TTPA: variants seen among roughly 807,000 people sequenced by gnomAD.
TTPA encodes the protein alpha-tocopherol transfer protein.
TTPA carries 23 observed loss-of-function variants against 25.9 expected under a neutral mutation model. That is an observed-to-expected ratio of 0.89 (90% CI 0.64 to 1.26). The LOEUF (loss-of-function observed/expected upper bound fraction) is 1.26. TTPA is among the 50% of genes most tolerant of loss of function. The probability of loss-of-function intolerance (pLI) is 0.00; values close to 1 mark genes in which losing one functional copy is unlikely to be tolerated. For missense variants in TTPA, 337 were observed against 353.1 expected (o/e 0.95, Z 0.37); for synonymous variants, 148 against 137.3 (o/e 1.08, Z -0.54).
Position 63,086,035 on chromosome 8 carries a change from G to A in TTPA, c.-14C>T, listed in dbSNP as rs1223813604. 1 of 1,404,338 alleles carries A rather than the reference G, an allele frequency of 7.1e-7. No individual in the cohort carries two copies. Among genetic ancestry groups the A allele is most frequent in the Non-Finnish European group, 9.3e-7 (1 of 1,079,216 alleles). The allele number at this position is 1,404,338 out of a possible 1,614,324, so 87.0% of individuals were successfully genotyped here. ...CGCCTCTGCCATGCCCGCCGCCGCT[G>A]CTGCGGCCGCAGCTACCCGGGCACC... On this transcript the variant is annotated 5_prime_UTR_variant, in exon 1 of 5. Coordinates refer to ENST00000260116, the MANE Select transcript of TTPA (RefSeq NM_000370.3).
At position 63,059,928 on chromosome 8, in the gene TTPA, G is replaced by A. The variant is rs1180509177; in HGVS notation, c.*1324C>T. On this transcript the variant is annotated 3_prime_UTR_variant, in exon 5 of 5. Coordinates refer to ENST00000260116, the MANE Select transcript of TTPA (RefSeq NM_000370.3). ...GCTGGTCTAGAACTCCTGCGCTCAA[G>A]CAATCATCCATCCAGCCTCGGCCTC... is the stretch of plus-strand genomic sequence containing the variant. 6.6e-6 allele frequency: 1 copy of A among 151,998 alleles called. No individual in the cohort carries two copies. The highest frequency in any genetic ancestry group is 2.4e-5 in the African/African-American group (1 of 41,366). The allele number at this position is 151,998 out of a possible 1,614,324, so 9.4% of individuals were successfully genotyped here. A position where few individuals can be genotyped will look rare whatever the true frequency, so the allele number is the denominator to read the frequency against.
At chr8:63,073,857 T>C (rs1284955536) in intron 1 of TTPA, among the ~76,000 whole-genome samples, 1 of 152,174 alleles carries the variant, frequency 6.6e-6, no homozygotes, top group Admixed American at 6.5e-5. Flanking sequence ...GGATACTGGA[T>C]CTTGTCAAAA....
chr8:63,066,105 A>C lies in TTPA; in HGVS notation c.359-8T>G. On this transcript the variant is annotated splice_region_variant and splice_polypyrimidine_tract_variant and intron_variant, in intron 2 of 4. Transcript: ENST00000260116. ...CTTTGGGGTCCCAGTGTGCTAAAAAAAATAAAGCATATCATATCTTAGCAT... is the reference window on the plus strand; with the variant it reads ...CTTTGGGGTCCCAGTGTGCTAAAAACAATAAAGCATATCATATCTTAGCAT... The C allele has an allele frequency of 6.2e-7, 1 of 1,612,768 alleles. No individual in the cohort carries two copies. The highest frequency in any genetic ancestry group is 8.5e-7 in the Non-Finnish European group (1 of 1,179,130).
At chr8:63,068,946 G>C (rs530622661) in intron 2 of TTPA, among the ~76,000 whole-genome samples, 1 of 152,258 alleles carries the variant, frequency 6.6e-6, no homozygotes, top group Non-Finnish European at 1.5e-5. Context: ...CTTGAGGCCA[G>C]GAGTTCAAGA....
Position 63,060,709 on chromosome 8 carries a change from C to T in TTPA, c.*543G>A, listed in dbSNP as rs1400810890. 1 of 154,820 alleles carries T rather than the reference C, an allele frequency of 6.5e-6. No homozygotes were observed. The highest frequency in any genetic ancestry group is 6.4e-5 in the Admixed American group (1 of 15,728). 9.6% of individuals were successfully genotyped at this position (154,820 alleles called of 1,614,324 possible). A position where few individuals can be genotyped will look rare whatever the true frequency, so the allele number is the denominator to read the frequency against. On this transcript the variant is annotated 3_prime_UTR_variant, in exon 5 of 5. Coordinates refer to ENST00000260116, the MANE Select transcript of TTPA (RefSeq NM_000370.3). Reference sequence around the variant, plus strand: ...AAAAAGTTTCTATCGTGTTAATATACTAAAATAAAATTTCCCTGAGATGAA... The same window carrying T: ...AAAAAGTTTCTATCGTGTTAATATATTAAAATAAAATTTCCCTGAGATGAA...
intron 3 of TTPA, 89 bp downstream of exon 3, chr8:63,065,815 G>A (rs1805379818): frequency 7.4e-7 from 1 of 1,357,336 alleles, no homozygotes; most frequent in Non-Finnish European, 1.0e-6. Flanking sequence ...TCTAACAAAT[G>A]TACTTTTGCT....
rs1805355323 is a variant in TTPA, at chr8:63,064,327, T to C, written c.553-11A>G. The C allele has an allele frequency of 1.3e-6, 2 of 1,576,182 alleles. No homozygotes were observed. The highest frequency in any genetic ancestry group is 1.3e-5 in the African/African-American group (1 of 74,128). On this transcript the variant is annotated splice_polypyrimidine_tract_variant and intron_variant, in intron 3 of 4. Coordinates refer to ENST00000260116, the MANE Select transcript of TTPA (RefSeq NM_000370.3). The stretch of plus-strand genomic sequence containing the variant: ...CAATGGAAATGAATCCTTTTGAAAA[T>C]AAAAAAATCTTAATAACAAAACATA...
intron 1 of TTPA, among the ~76,000 whole-genome samples, chr8:63,077,754 A>G (rs1378847375): frequency 6.6e-6 from 1 of 152,254 alleles, no homozygotes; most frequent in African/African-American, 2.4e-5. Context: ...AAAAGGCAGC[A>G]GACAGCTTCT....
rs114640333 is a variant in TTPA at position 63,074,983 on chromosome 8, T to C, written c.205-1895A>G. Among the ~76,000 whole-genome samples the C allele has an allele frequency of 6.7e-3, 1,015 of 152,322 alleles. 10 individuals carry two copies. Among genetic ancestry groups the C allele is most frequent in the African/African-American group, 0.023 (943 of 41,568 alleles). ...CACACACTTGAAAAACTGACTTCTG[T>C]AAAGAGGCACAAATCACTATCTCGC... is the stretch of plus-strand genomic sequence containing the variant. On this transcript the variant is annotated intron_variant, in intron 1 of 4. Transcript: ENST00000260116.
intron 4 of TTPA, among the ~76,000 whole-genome samples, chr8:63,063,738 TTTTG>T (rs1162823618): frequency 6.6e-6 from 1 of 152,186 alleles, no homozygotes; most frequent in Non-Finnish European, 1.5e-5. Flanking sequence ...CTATTCCACA[TTTTG>T]TTTATTTCAG....
intron 1 of TTPA, among the ~76,000 whole-genome samples, chr8:63,073,675 C>A (rs1168269064): frequency 6.6e-6 from 1 of 152,214 alleles, no homozygotes; most frequent in Admixed American, 6.5e-5. Context: ...CTGAGCCCTG[C>A]CCAAACTGGT....
At chr8:63,074,593 T>G (rs1805533321) in intron 1 of TTPA, among the ~76,000 whole-genome samples, 1 of 152,194 alleles carries the variant, frequency 6.6e-6, no homozygotes, top group Admixed American at 6.5e-5. Flanking sequence ...TAGGTCCTAA[T>G]ATCTTCATTC....
intron 1 of TTPA, among the ~76,000 whole-genome samples, chr8:63,081,823 C>T (rs981270886): frequency 3.3e-5 from 5 of 152,114 alleles, no homozygotes; most frequent in African/African-American, 9.7e-5. Context: ...GTGCAAAAAT[C>T]GCAAGCATTC....
intron 2 of TTPA, 139 bp downstream of exon 2, chr8:63,072,796 A>G (rs1805502429): frequency 1.0e-6 from 1 of 994,980 alleles, no homozygotes; most frequent in East Asian, 2.5e-5. Flanking sequence ...ATTAAAGCCC[A>G]AATTCCTAAA....
rs550802288 is a variant in TTPA at position 63,059,948 on chromosome 8, G to C, written c.*1304C>G. 5.9e-5 allele frequency: 9 copies of C among 152,030 alleles called. No homozygotes were observed. The highest frequency in any genetic ancestry group is 2.2e-4 in the African/African-American group (9 of 41,474). The allele number at this position is 152,030 out of a possible 1,614,324, so 9.4% of individuals were successfully genotyped here. Reference sequence around the variant, plus strand: ...CTCAAGCAATCATCCATCCAGCCTCGGCCTCCCAAAGTGCTGGGATTACAG... The same window carrying C: ...CTCAAGCAATCATCCATCCAGCCTCCGCCTCCCAAAGTGCTGGGATTACAG... On this transcript the variant is annotated 3_prime_UTR_variant, in exon 5 of 5. Transcript: ENST00000260116.
intron 1 of TTPA, among the ~76,000 whole-genome samples, chr8:63,077,681 T>C (rs1239476392): frequency 1.3e-5 from 2 of 152,226 alleles, no homozygotes; most frequent in East Asian, 3.9e-4. Context: ...TGGAGCCCAC[T>C]GCAGCACAGC....
At chr8:63,080,293 T>A (rs2129781082) in intron 1 of TTPA, among the ~76,000 whole-genome samples, 1 of 152,194 alleles carries the variant, frequency 6.6e-6, no homozygotes, top group African/African-American at 2.4e-5. Context: ...ATTCAAAAGC[T>A]AGCAGAAGAT....
chr8:63,079,391 T>C lies in TTPA; in HGVS notation c.205-6303A>G, dbSNP rs539408923. 8.6e-5 allele frequency among the ~76,000 whole-genome samples: 13 copies of C among 152,032 alleles called. No individual in the cohort carries two copies. The South Asian group carries it at 2.3e-3, about 27-fold the overall frequency. ...CAATTAAAAGATACAGAGTGGCAAA[T>C]TGAATAAAGAGTCAAGACCCATCAG... On this transcript the variant is annotated intron_variant, in intron 1 of 4. Transcript: ENST00000260116.
chr8:63,085,819 C>G lies in TTPA; in HGVS notation c.203G>C (p.Arg68Pro). 1 of 1,535,530 alleles carries G rather than the reference C, an allele frequency of 6.5e-7. No individual in the cohort carries two copies. Among genetic ancestry groups the G allele is most frequent in the South Asian group, 1.2e-5 (1 of 83,500 alleles). ...ARDFDLDLAWRLLKNYYKWRA... is the reference protein window; with the variant it reads ...ARDFDLDLAWPLLKNYYKWRA... ...AGCGCCCTGGGCACGCACGCTTACC[C>G]GCCAGGCCAGGTCCAGATCGAAATC... Residue 68 changes from arginine to proline, a missense_variant and splice_region_variant, in exon 1 of 5, where the codon CGG becomes CCG. Physicochemically the swap from Arg to Pro is moderately radical, Grantham distance 103 (BLOSUM62 -2). Transcript: ENST00000260116.
Sources: allele counts gnomAD v4.1 joint callset (sites outside exome capture counted in the v4.1 genomes callset), GRCh38; gene constraint gnomAD v4.1.1; transcripts MANE v1.5; gene names NCBI Gene and HGNC (gene_info 2026-07-23, HGNC 2026-07-21).